The following NAV2 variants were observed in gnomAD, a reference collection of about 807,000 sequenced individuals.
NAV2 encodes the protein neuron navigator 2.
NAV2 carries 54 observed loss-of-function variants against 223.2 expected under a neutral mutation model. That is an observed-to-expected ratio of 0.24 (90% CI 0.19 to 0.30). The LOEUF is 0.30. NAV2 is among the 10% of genes least tolerant of loss of function. The probability of loss-of-function intolerance (pLI) is 1.00; values close to 1 mark genes in which losing one functional copy is unlikely to be tolerated. For missense variants in NAV2, 2,806 were observed against 3,147.5 expected (o/e 0.89, Z 2.60); for synonymous variants, 1,279 against 1,239.3 (o/e 1.03, Z -0.67).
chr11:19,538,489 C>T (rs558950398), intron 1 of NAV2, among the ~76,000 whole-genome samples: 1 of 151,572 alleles, frequency 6.6e-6, no homozygotes, highest in African/African-American at 2.4e-5. Context: ...TACAGGTGCA[C>T]ACCACCACAC....
chr11:19,610,952 G>A (rs1446147479), intron 1 of NAV2, among the ~76,000 whole-genome samples: 2 of 150,858 alleles, frequency 1.3e-5, no homozygotes, highest in African/African-American at 4.9e-5. Context: ...CCCCTTCCTG[G>A]GTGAGAGGGA....
chr11:19,927,784 A>C (rs561049070), intron 6 of NAV2, among the ~76,000 whole-genome samples: 168 of 152,328 alleles, frequency 1.1e-3, no homozygotes, highest in African/African-American at 3.9e-3. Context: ...ATCAGAGTTT[A>C]TTATACATAA....
At chr11:19,631,745 C>T (rs1298315286) in intron 1 of NAV2, among the ~76,000 whole-genome samples, 1 of 152,240 alleles carries the variant, frequency 6.6e-6, no homozygotes, top group African/African-American at 2.4e-5. Context: ...GTGGTGCCCA[C>T]TAGTGTCCCA....
At chr11:19,359,576 G>A (rs1156414266) in intron 1 of NAV2, among the ~76,000 whole-genome samples, 1 of 152,220 alleles carries the variant, frequency 6.6e-6, no homozygotes, top group Non-Finnish European at 1.5e-5. Flanking sequence ...CTCAATTTCT[G>A]AGGGCAGAGT....
At chr11:19,450,483 T>C (rs776898094) in intron 1 of NAV2, among the ~76,000 whole-genome samples, 1 of 152,214 alleles carries the variant, frequency 6.6e-6, no homozygotes, top group Non-Finnish European at 1.5e-5. Context: ...CTGAAGTCAT[T>C]TGTTACATCC....
At chr11:19,840,491 G>T (rs765146786) in intron 2 of NAV2, among the ~76,000 whole-genome samples, 1 of 152,154 alleles carries the variant, frequency 6.6e-6, no homozygotes, top group Non-Finnish European at 1.5e-5. Context: ...TGCTGAACTG[G>T]GTATTGATCA....
At chr11:19,570,080 T>C (rs916693442) in intron 1 of NAV2, among the ~76,000 whole-genome samples, 4 of 152,170 alleles carry the variant, frequency 2.6e-5, no homozygotes, top group Non-Finnish European at 4.4e-5. Context: ...ATTTTGTTTG[T>C]GGAATCACTA....
At chr11:19,934,395 G>GCTAAGAAAC in intron 7 of NAV2, 118 bp downstream of exon 7, 1 of 1,220,094 alleles carries the variant, frequency 8.2e-7, no homozygotes, top group Non-Finnish European at 1.1e-6. Context: ...TAAGTCAGTA[G>GCTAAGAAAC]CTAAGAAACC....
intron 26 of NAV2, among the ~76,000 whole-genome samples, chr11:20,088,387 G>A (rs1451621108): frequency 1.3e-5 from 2 of 152,270 alleles, no homozygotes; most frequent in East Asian, 3.9e-4. Flanking sequence ...GGGTTTCGCC[G>A]TGTTGGCCAG....
At chr11:19,739,908 G>A (rs1315839776) in intron 1 of NAV2, among the ~76,000 whole-genome samples, 1 of 152,194 alleles carries the variant, frequency 6.6e-6, no homozygotes, top group African/African-American at 2.4e-5. Flanking sequence ...TCAGAACCCA[G>A]CTTTCATGAA....
intron 1 of NAV2, among the ~76,000 whole-genome samples, chr11:19,672,449 G>A (rs2048597999): frequency 6.6e-6 from 1 of 152,164 alleles, no homozygotes; most frequent in African/African-American, 2.4e-5. Flanking sequence ...GCCACCAACT[G>A]ACCTTGGTTG....
At chr11:20,018,072 T>G (rs1330652845) in intron 11 of NAV2, among the ~76,000 whole-genome samples, 5 of 152,100 alleles carry the variant, frequency 3.3e-5, no homozygotes, top group African/African-American at 1.2e-4. Context: ...AAAGTGAAAC[T>G]GCCAGGTGTG....
intron 1 of NAV2, among the ~76,000 whole-genome samples, chr11:19,508,521 A>C (rs113098652): frequency 5.3e-4 from 81 of 152,064 alleles, no homozygotes; most frequent in African/African-American, 1.8e-3. Flanking sequence ...CGCAGTTCTC[A>C]TTCTCAGTCC....
Position 19,933,342 on chromosome 11 carries a change from G to A in NAV2, c.1098G>A (p.Lys366=), listed in dbSNP as rs368712599. 9 of 1,611,008 alleles carry A rather than the reference G, an allele frequency of 5.6e-6. No homozygotes were observed. The highest frequency in any genetic ancestry group is 1.3e-5 in the African/African-American group (1 of 74,956). ...GGCGCAGCAAATCCCTCAGCGTGAA[G>A]CACAGTGCCACGGTATCCATGCTCT... is the stretch of plus-strand genomic sequence containing the variant. ...KPWRSKSLSV[K]HSATVSMLSV... is the part of the protein sequence containing the mutation. Residue 366 remains lysine, a synonymous_variant, in exon 7 of 38, where the codon AAG becomes AAA. Coordinates refer to ENST00000349880, the MANE Select transcript of NAV2 (RefSeq NM_145117.5). The surrounding 1 kb of genome is among the most constrained non-coding windows in gnomAD (Gnocchi z 4.3).
intron 8 of NAV2, among the ~76,000 whole-genome samples, 153 bp from the exon 9 acceptor site, chr11:19,946,248 A>G (rs2046929143): frequency 6.6e-6 from 1 of 152,210 alleles, no homozygotes; most frequent in African/African-American, 2.4e-5. Flanking sequence ...ACTTCCATTC[A>G]ATCATTCATT....
At chr11:19,826,829 CA>C (rs1418661169) in intron 1 of NAV2, among the ~76,000 whole-genome samples, 1 of 152,210 alleles carries the variant, frequency 6.6e-6, no homozygotes, top group Admixed American at 6.5e-5. Flanking sequence ...ATGTAAGTCT[CA>C]AGTGTAATCA....
chr11:19,642,252 G>C (rs1283893317), intron 1 of NAV2, among the ~76,000 whole-genome samples: 7 of 152,216 alleles, frequency 4.6e-5, no homozygotes, highest in Non-Finnish European at 7.3e-5. Flanking sequence ...AGCCAGGGAG[G>C]AGGCCATTGT....
At chr11:20,013,262 G>A (rs754406893) in intron 11 of NAV2, among the ~76,000 whole-genome samples, 11 of 152,258 alleles carry the variant, frequency 7.2e-5, no homozygotes, top group East Asian at 1.9e-4. Context: ...AGTCTCTGGC[G>A]CGCTGTTGGT....
At chr11:20,004,607 A>G (rs560805221) in intron 11 of NAV2, among the ~76,000 whole-genome samples, 3 of 152,260 alleles carry the variant, frequency 2.0e-5, no homozygotes, top group East Asian at 1.9e-4. Flanking sequence ...CAGTCCTGCC[A>G]TTCTCACATA....
Sources: gnomAD v4.1 joint callset for allele counts (sites outside exome capture counted in the v4.1 genomes callset) on GRCh38, gnomAD v4.1.1 for gene constraint, Gnocchi (gnomAD v3.1) non-coding constraint, MANE v1.5 for transcripts, NCBI Gene and HGNC (gene_info 2026-07-23, HGNC 2026-07-21) for gene names.